Variants in NBEA observed in about 807,000 individuals in gnomAD.
NBEA encodes neurobeachin, also known as lysosomal-trafficking regulator 2.
Under a neutral mutation model 343.4 loss-of-function variants are expected in NBEA, and 44 were observed. The observed-to-expected ratio is 0.13, with a 90% CI of 0.10 to 0.16. NBEA has a LOEUF of 0.16. Ranked by LOEUF, NBEA falls within the 10% of genes least tolerant of loss-of-function variation. NBEA has a pLI of 1.00. For missense variants in NBEA, 2,555 were observed against 3,631.3 expected, an observed-to-expected ratio of 0.70 and a Z score of 7.62; for synonymous variants, 1,175 against 1,238.7, an observed-to-expected ratio of 0.95 and a Z score of 1.08.
rs796508003 is a variant in NBEA at position 35,391,928 on chromosome 13, C to T, written c.6179+39605C>T. 6.0e-4 allele frequency among the ~76,000 whole-genome samples: 92 copies of T among 152,102 alleles called. 1 individual carries two copies. Among genetic ancestry groups the T allele is most frequent in the African/African-American group, 2.1e-3 (87 of 41,506 alleles). On this transcript the variant is annotated intron_variant, in intron 38 of 58. Transcript: ENST00000379939. ...ATACAACTGAATTTAGTTTTTGCTTCTATCTCTGTTGTAAGCAATACCACA... is the reference window on the plus strand; with the variant it reads ...ATACAACTGAATTTAGTTTTTGCTTTTATCTCTGTTGTAAGCAATACCACA...
chr13:35,258,900 G>T (rs2152796138), intron 34 of NBEA, among the ~76,000 whole-genome samples: 1 of 152,298 alleles, frequency 6.6e-6, no homozygotes, highest in Non-Finnish European at 1.5e-5. Flanking sequence ...TAGGATTTGT[G>T]TTAGATGATT....
intron 41 of NBEA, chr13:35,475,869 G>A (rs760166578): frequency 1.2e-6 from 2 of 1,614,036 alleles, no homozygotes; most frequent in East Asian, 2.2e-5. Context: ...GTGAGCCATC[G>A]TCCACGAAGT....
At chr13:34,947,551 T>C (rs1593254773) in intron 1 of NBEA, among the ~76,000 whole-genome samples, 1 of 152,190 alleles carries the variant, frequency 6.6e-6, no homozygotes, top group East Asian at 1.9e-4. Flanking sequence ...GTTTTCCATT[T>C]CTTGTCTTTA....
At chr13:35,367,963 C>T (rs1046014018) in intron 38 of NBEA, among the ~76,000 whole-genome samples, 6 of 151,344 alleles carry the variant, frequency 4.0e-5, no homozygotes, top group South Asian at 4.1e-4. Flanking sequence ...TAATTAAGTC[C>T]GCAATAACTG....
At chr13:35,326,921 T>G (rs143208690) in intron 36 of NBEA, among the ~76,000 whole-genome samples, 2 of 151,978 alleles carry the variant, frequency 1.3e-5, no homozygotes, top group Non-Finnish European at 2.9e-5. Flanking sequence ...TATAAAGAAC[T>G]TAAACAAATC....
At chr13:34,978,888 C>T (rs2060265471) in intron 1 of NBEA, among the ~76,000 whole-genome samples, 1 of 152,126 alleles carries the variant, frequency 6.6e-6, no homozygotes, top group African/African-American at 2.4e-5. Context: ...AGGTTGCTTC[C>T]AGTTTTTGGC....
At chr13:35,512,627 T>C (rs1341900598) in intron 41 of NBEA, among the ~76,000 whole-genome samples, 2 of 152,212 alleles carry the variant, frequency 1.3e-5, no homozygotes, top group Non-Finnish European at 2.9e-5. Context: ...TTATCTTGGC[T>C]CCCTGGCCTC....
At chr13:35,556,631 T>C (rs1262786337) in intron 44 of NBEA, among the ~76,000 whole-genome samples, 1 of 152,058 alleles carries the variant, frequency 6.6e-6, no homozygotes. Flanking sequence ...CCTAGAGATA[T>C]TACATTTTTA....
rs747037643 is a variant in NBEA, at chr13:35,159,220, G to A, written c.3049G>A (p.Asp1017Asn). The change falls in exon 22 of 59, where the codon GAT (aspartate) becomes AAT (asparagine). Residue 1017 changes from aspartate (D) to asparagine (N), a missense_variant. This residue lies in a region of NBEA where 367 missense variants were observed against 377.5 expected (regional missense o/e 0.97). Coordinates refer to ENST00000379939, the MANE Select transcript of NBEA (RefSeq NM_001385012.1). The part of the protein sequence containing the change: ...SQSQSPESET[D>N]YPVSTDTRDL... ...AAGCCAGAGCCCAGAAAGTGAGACC[G>A]ATTACCCTGTCAGCACAGATACTCG... The A allele has an allele frequency of 2.5e-5, 40 of 1,613,362 alleles. No homozygotes were observed. The highest frequency in any genetic ancestry group is 3.3e-5 in the Non-Finnish European group (39 of 1,179,618).
intron 28 of NBEA, among the ~76,000 whole-genome samples, chr13:35,177,944 A>G (rs933037285): frequency 2.6e-5 from 4 of 151,760 alleles, no homozygotes; most frequent in Non-Finnish European, 5.9e-5. Context: ...GCTATATGTT[A>G]GGAATGTACA....
At chr13:35,074,859 A>G (rs1005750899) in intron 10 of NBEA, among the ~76,000 whole-genome samples, 2 of 152,144 alleles carry the variant, frequency 1.3e-5, no homozygotes, top group Non-Finnish European at 2.9e-5. Flanking sequence ...AATCACATAC[A>G]AAATATAATT....
rs868862975 is a variant in NBEA at position 35,031,475 on chromosome 13, G to A, written c.295-9458G>A. The stretch of plus-strand genomic sequence containing the variant: ...TGCTGAATTTCATGATACTTCAGAG[G>A]TATTCGATTGGTGACTACTTTTTTT... On this transcript the variant is annotated intron_variant, in intron 1 of 58. Transcript: ENST00000379939. Among the ~76,000 whole-genome samples, 6 of 151,698 alleles carry A rather than the reference G, an allele frequency of 4.0e-5. No homozygotes were observed. In the South Asian group the frequency reaches 8.3e-4, roughly 21 times the overall value.
At chr13:34,994,238 A>G (rs1002608524) in intron 1 of NBEA, among the ~76,000 whole-genome samples, 50 of 151,512 alleles carry the variant, frequency 3.3e-4, no homozygotes, top group Non-Finnish European at 6.2e-4. Flanking sequence ...TTCTATAAGA[A>G]AAAAGTAAAT....
intron 23 of NBEA, among the ~76,000 whole-genome samples, chr13:35,162,342 G>A (rs1434576028): frequency 6.6e-6 from 1 of 152,112 alleles, no homozygotes; most frequent in Non-Finnish European, 1.5e-5. Flanking sequence ...CATTTACATA[G>A]GCATGAATAC....
intron 41 of NBEA, among the ~76,000 whole-genome samples, chr13:35,488,949 A>G (rs1395090179): frequency 2.6e-5 from 4 of 151,938 alleles, no homozygotes. Flanking sequence ...GCATTTTAAT[A>G]TATATTAATT....
In NBEA at chr13:35,177,094, T is replaced by G; in HGVS notation, c.4653T>G (p.Phe1551Leu). ...TCAATCGCCTTCGTGCTGTTGTCTT[T>G]CGGGATGTGGTAAGTTATACCTGAT... ...VDINRLRAVV[F>L]RDVDDSKQAQ... Residue 1551 changes from phenylalanine to leucine, a missense_variant, in exon 28 of 59, where the codon TTT becomes TTG. Transcript: ENST00000379939. The G allele has an allele frequency of 6.3e-7, 1 of 1,596,388 alleles. No individual in the cohort carries two copies. Among genetic ancestry groups the G allele is most frequent in the Non-Finnish European group, 8.5e-7 (1 of 1,169,662 alleles).
intron 35 of NBEA, among the ~76,000 whole-genome samples, chr13:35,296,415 CT>C (rs1275376367): frequency 6.6e-6 from 1 of 150,924 alleles, no homozygotes; most frequent in Non-Finnish European, 1.5e-5. Flanking sequence ...GAACAACAGT[CT>C]TTTTTTTCTT....
At chr13:35,575,041 T>C (rs921326395) in intron 45 of NBEA, among the ~76,000 whole-genome samples, 1 of 152,166 alleles carries the variant, frequency 6.6e-6, no homozygotes, top group African/African-American at 2.4e-5. Flanking sequence ...TGCGGCCAAG[T>C]GCTAATAGAT....
chr13:35,211,268 G>C (rs999025376), intron 33 of NBEA, 89 bp downstream of exon 33: 27 of 1,103,664 alleles, frequency 2.4e-5, no homozygotes, highest in Non-Finnish European at 3.4e-5. Flanking sequence ...AAGAGTTCTT[G>C]AGAATGAAGG....
Sources: gnomAD v4.1 joint callset for allele counts (sites outside exome capture counted in the v4.1 genomes callset) on GRCh38, gnomAD v4.1.1 for gene constraint, gnomAD v4.1.1 regional missense constraint, MANE v1.5 for transcripts, NCBI Gene and HGNC (gene_info 2026-07-23, HGNC 2026-07-21) for gene names.